The following VWC2 variants were observed in gnomAD, a reference collection of about 807,000 sequenced individuals.
VWC2 encodes von Willebrand factor C domain containing 2, also known as brorin.
In VWC2, 14 loss-of-function variants were observed where a neutral mutation model predicts 29.8. The ratio of observed to expected loss-of-function variants is 0.47; its 90% CI spans 0.31 to 0.74. VWC2 has a LOEUF of 0.74. VWC2 is among the 30% of genes least tolerant of loss of function. The pLI is 0.05. For missense variants in VWC2, 457 were observed against 459.8 expected, an observed-to-expected ratio of 0.99 and a Z score of 0.05; for synonymous variants, 213 against 199.0, an observed-to-expected ratio of 1.07 and a Z score of -0.59.
chr7:49,871,432 GAATAA>G (rs1791143586), intron 3 of VWC2, among the ~76,000 whole-genome samples: 1 of 152,122 alleles, frequency 6.6e-6, no homozygotes, highest in African/African-American at 2.4e-5. Flanking sequence ...TGAAATGGCA[GAATAA>G]AATATACTGT....
At chr7:49,900,054 A>G (rs939773796) in intron 3 of VWC2, among the ~76,000 whole-genome samples, 2 of 151,878 alleles carry the variant, frequency 1.3e-5, no homozygotes, top group African/African-American at 4.8e-5. Flanking sequence ...ATGTTAAACA[A>G]TAAACTTATA....
chr7:49,860,061 A>T (rs373980556), intron 3 of VWC2, among the ~76,000 whole-genome samples: 7 of 152,108 alleles, frequency 4.6e-5, no homozygotes, highest in Non-Finnish European at 1.0e-4. Flanking sequence ...CCATAGTTGT[A>T]TGCCACTTTT....
intron 3 of VWC2, among the ~76,000 whole-genome samples, chr7:49,887,082 C>T (rs1291793361): frequency 4.6e-5 from 7 of 152,144 alleles, no homozygotes; most frequent in Admixed American, 4.6e-4. Context: ...TGCACATGAA[C>T]ATTAAACTAC....
chr7:49,791,185 A>G (rs895783238), intron 2 of VWC2, among the ~76,000 whole-genome samples: 2 of 152,230 alleles, frequency 1.3e-5, no homozygotes, highest in Non-Finnish European at 2.9e-5. Flanking sequence ...GTATAAATGG[A>G]AGGGACTTCG....
At chr7:49,850,695 C>T (rs1237601055) in intron 3 of VWC2, among the ~76,000 whole-genome samples, 8 of 152,254 alleles carry the variant, frequency 5.3e-5, no homozygotes, top group Non-Finnish European at 1.2e-4. Flanking sequence ...CAGTGTCAGA[C>T]AACTTGTGTT....
rs1793690354 is a variant in VWC2, at chr7:49,915,774, ATTG to A, written c.*3592_*3594del. The A allele has an allele frequency of 6.6e-6, 1 of 152,190 alleles. No homozygotes were observed. The highest frequency in any genetic ancestry group is 2.4e-5 in the African/African-American group (1 of 41,456). 9.4% of individuals were successfully genotyped at this position (152,190 alleles called of 1,614,324 possible). On this transcript the variant is annotated 3_prime_UTR_variant, in exon 4 of 4. Coordinates refer to ENST00000340652, the MANE Select transcript of VWC2 (RefSeq NM_198570.5). Reference sequence around the variant, plus strand: ...GGGCAAGAGATCAATCCTACTTTTCATTGTTATTTTTAATATCATATTTTTCCC... The same window carrying A: ...GGGCAAGAGATCAATCCTACTTTTCATTATTTTTAATATCATATTTTTCCC...
At chr7:49,910,427 AAAG>A (rs1304299920) in intron 3 of VWC2, among the ~76,000 whole-genome samples, 22 of 152,198 alleles carry the variant, frequency 1.4e-4, no homozygotes, top group African/African-American at 5.1e-4. Context: ...TATTAGAAGC[AAAG>A]AAGGGAGGAG....
chr7:49,899,129 CACAAAGGATATGTTCT>C (rs1460819936), intron 3 of VWC2, among the ~76,000 whole-genome samples: 1 of 151,950 alleles, frequency 6.6e-6, no homozygotes, highest in Non-Finnish European at 1.5e-5. Flanking sequence ...CCCCCTTATC[CACAAAGGATATGTTCT>C]ACAACCCCCA....
intron 3 of VWC2, among the ~76,000 whole-genome samples, chr7:49,832,134 G>A (rs1789546765): frequency 6.6e-6 from 1 of 152,150 alleles, no homozygotes; most frequent in African/African-American, 2.4e-5. Flanking sequence ...AATTTGCAAG[G>A]TCTTTGTCTT....
intron 3 of VWC2, among the ~76,000 whole-genome samples, chr7:49,822,650 G>A (rs889791044): frequency 2.0e-5 from 3 of 152,162 alleles, no homozygotes; most frequent in Non-Finnish European, 2.9e-5. Flanking sequence ...TGTTGGCCAG[G>A]CTGGTCTCGA....
intron 3 of VWC2, among the ~76,000 whole-genome samples, chr7:49,839,395 T>C (rs761199488): frequency 1.3e-5 from 2 of 152,230 alleles, no homozygotes; most frequent in African/African-American, 2.4e-5. Flanking sequence ...GTTTAAAACA[T>C]GCTCTAATGC....
chr7:49,834,370 A>C (rs1281377702), intron 3 of VWC2, among the ~76,000 whole-genome samples: 1 of 152,220 alleles, frequency 6.6e-6, no homozygotes, highest in Non-Finnish European at 1.5e-5. Context: ...ATCTAGGCAG[A>C]GAGCTTTCAT....
At chr7:49,869,911 T>G (rs968892339) in intron 3 of VWC2, among the ~76,000 whole-genome samples, 1 of 152,096 alleles carries the variant, frequency 6.6e-6, no homozygotes, top group Non-Finnish European at 1.5e-5. Flanking sequence ...ACAGCAGATG[T>G]CAAAAGGAAT....
At chr7:49,847,826 C>T (rs924890616) in intron 3 of VWC2, among the ~76,000 whole-genome samples, 1 of 152,106 alleles carries the variant, frequency 6.6e-6, no homozygotes, top group African/African-American at 2.4e-5. Context: ...CAGTGGCTCT[C>T]AGTGTGAAAG....
At chr7:49,876,933 T>C (rs1050910865) in intron 3 of VWC2, among the ~76,000 whole-genome samples, 15 of 152,030 alleles carry the variant, frequency 9.9e-5, no homozygotes, top group Admixed American at 4.6e-4. Flanking sequence ...CCTGTCAGTG[T>C]CTTTGCCCAA....
At position 49,781,248 on chromosome 7, in the gene VWC2, CT is replaced by C. The variant is rs1000749664; in HGVS notation, c.696+5127del. Among the ~76,000 whole-genome samples, 176 of 148,752 alleles carry C rather than the reference CT, an allele frequency of 1.2e-3. 1 individual carries two copies. Among genetic ancestry groups the C allele is most frequent in the African/African-American group, 3.7e-3 (152 of 40,542 alleles). On this transcript the variant is annotated intron_variant, in intron 2 of 3. Transcript: ENST00000340652. ...GTGTCTAAAGCCATTTAAACAGTGA[CT>C]TTTTTTTTTAAAGAGGGAGTCATAT...
intron 3 of VWC2, among the ~76,000 whole-genome samples, chr7:49,840,921 A>G (rs1457202085): frequency 6.6e-6 from 1 of 152,134 alleles, no homozygotes; most frequent in Non-Finnish European, 1.5e-5. Context: ...GGTCAACACT[A>G]TAGTGGGTTA....
chr7:49,915,477 C>T lies in VWC2; in HGVS notation c.*3292C>T, dbSNP rs1351689. 1.3e-5 allele frequency: 2 copies of T among 151,634 alleles called. No individual in the cohort carries two copies. The highest frequency in any genetic ancestry group is 2.4e-5 in the African/African-American group (1 of 41,254). 9.4% of individuals were successfully genotyped at this position (151,634 alleles called of 1,614,324 possible). A position where few individuals can be genotyped will look rare whatever the true frequency, so the allele number is the denominator to read the frequency against. ...ATATGTTTAATAAACTTTCTTCCCT[C>T]GTTCTCCAACATAAATGTTGCATTT... On this transcript the variant is annotated 3_prime_UTR_variant, in exon 4 of 4. Transcript: ENST00000340652.
chr7:49,877,912 G>T (rs573835813), intron 3 of VWC2, among the ~76,000 whole-genome samples: 1 of 152,010 alleles, frequency 6.6e-6, no homozygotes, highest in East Asian at 1.9e-4. Context: ...AAATGTTTTG[G>T]GTCTAGTTGA....
Sources: gnomAD v4.1 joint callset for allele counts (sites outside exome capture counted in the v4.1 genomes callset) on GRCh38, gnomAD v4.1.1 for gene constraint, MANE v1.5 for transcripts, NCBI Gene and HGNC (gene_info 2026-07-23, HGNC 2026-07-21) for gene names.